Variants in CYP19A1 observed in about 807,000 individuals in gnomAD.
CYP19A1 encodes the protein cytochrome P450 family 19 subfamily A member 1.
Under a neutral mutation model 44.4 loss-of-function variants are expected in CYP19A1, and 32 were observed. The observed-to-expected ratio is 0.72, with a 90% CI of 0.54 to 0.97. CYP19A1 has a LOEUF of 0.97. CYP19A1 is among the 50% of genes least tolerant of loss of function. CYP19A1 has a pLI of 0.00. For missense variants in CYP19A1, 598 were observed against 637.8 expected (o/e 0.94, Z 0.67); for synonymous variants, 212 against 215.6 (o/e 0.98, Z 0.14).
At chr15:51,326,495 A>G (rs1413315721) in intron 1 of CYP19A1, among the ~76,000 whole-genome samples, 1 of 152,232 alleles carries the variant, frequency 6.6e-6, no homozygotes, top group Non-Finnish European at 1.5e-5. Context: ...AACTTTAAGC[A>G]TTATAGTAGT....
intron 1 of CYP19A1, among the ~76,000 whole-genome samples, chr15:51,336,234 A>T (rs1286627281): frequency 5.9e-5 from 9 of 152,158 alleles, no homozygotes; most frequent in Non-Finnish European, 1.2e-4. Flanking sequence ...TCCCCACTCC[A>T]GGCTTCAGGA....
At position 51,212,513 on chromosome 15, in the gene CYP19A1, T is replaced by C. The variant is rs2031119131; in HGVS notation, c.1070A>G (p.Glu357Gly). Residue 357 changes from glutamate (E) to glycine (G), a missense_variant, in exon 9 of 10, where the codon GAA (glutamate) becomes GGA (glycine). Transcript: ENST00000396402. ...IDDIQKLKVMENFIYESMRYQ... is the reference protein window; with the variant it reads ...IDDIQKLKVMGNFIYESMRYQ... ...CCGCATGCTCTCATAAATGAAGTTTTCCATCACTTTTAATTTTTGTATATC... is the reference window on the plus strand; with the variant it reads ...CCGCATGCTCTCATAAATGAAGTTTCCCATCACTTTTAATTTTTGTATATC... 2 of 1,552,806 alleles carry C rather than the reference T, an allele frequency of 1.3e-6. No individual in the cohort carries two copies. Among genetic ancestry groups the C allele is most frequent in the Admixed American group, 1.7e-5 (1 of 59,922 alleles).
At chr15:51,216,281 T>G (rs544945365) in intron 6 of CYP19A1, among the ~76,000 whole-genome samples, 1 of 152,242 alleles carries the variant, frequency 6.6e-6, no homozygotes, top group South Asian at 2.1e-4. Flanking sequence ...AGACAAAGTC[T>G]CAATCTGTCA....
chr15:51,268,749 GA>G (rs2035021206), intron 1 of CYP19A1, among the ~76,000 whole-genome samples: 1 of 152,084 alleles, frequency 6.6e-6, no homozygotes, highest in Non-Finnish European at 1.5e-5. Flanking sequence ...CTCAGTCTTT[GA>G]ATTTTAGCCA....
intron 1 of CYP19A1, among the ~76,000 whole-genome samples, chr15:51,272,925 GCTTCAT>G (rs2035180366): frequency 6.6e-6 from 1 of 152,104 alleles, no homozygotes; most frequent in African/African-American, 2.4e-5. Context: ...AGGACAACAG[GCTTCAT>G]AATGGGAGGG....
intron 1 of CYP19A1, among the ~76,000 whole-genome samples, chr15:51,260,712 G>A (rs951365032): frequency 1.3e-5 from 2 of 152,182 alleles, no homozygotes; most frequent in African/African-American, 4.8e-5. Flanking sequence ...CAATCAGGTA[G>A]TAAAGAGGGC....
intron 1 of CYP19A1, among the ~76,000 whole-genome samples, chr15:51,271,842 C>T (rs1404950222): frequency 2.6e-5 from 4 of 152,206 alleles, no homozygotes; most frequent in Non-Finnish European, 5.9e-5. Flanking sequence ...AAATCTTTTC[C>T]TCTGGCACTT....
intron 4 of CYP19A1, among the ~76,000 whole-genome samples, chr15:51,226,955 A>G (rs1022452751): frequency 1.3e-5 from 2 of 152,058 alleles, no homozygotes; most frequent in African/African-American, 4.8e-5. Flanking sequence ...AAAATTATCT[A>G]ATTTCATTCA....
chr15:51,330,349 AGAG>A (rs1249131270), intron 1 of CYP19A1, among the ~76,000 whole-genome samples: 1 of 152,180 alleles, frequency 6.6e-6, no homozygotes, highest in Non-Finnish European at 1.5e-5. Context: ...ACAGAAAGGA[AGAG>A]GAGGAGAGAA....
intron 1 of CYP19A1, among the ~76,000 whole-genome samples, chr15:51,275,684 A>AT (rs951167770): frequency 4.0e-5 from 6 of 151,460 alleles, no homozygotes; most frequent in East Asian, 3.9e-4. Flanking sequence ...GACTGCTCAC[A>AT]TTTTTTTTTC....
At chr15:51,257,038 A>G (rs1032559324) in intron 1 of CYP19A1, among the ~76,000 whole-genome samples, 1 of 152,182 alleles carries the variant, frequency 6.6e-6, no homozygotes, top group Non-Finnish European at 1.5e-5. Context: ...TGGATAATAA[A>G]TTGTATGGTC....
At chr15:51,321,400 C>T (rs1232331264) in intron 1 of CYP19A1, among the ~76,000 whole-genome samples, 1 of 152,158 alleles carries the variant, frequency 6.6e-6, no homozygotes, top group Non-Finnish European at 1.5e-5. Flanking sequence ...ATCCAATTTC[C>T]CTCATGATGC....
chr15:51,291,221 C>T (rs116966362), intron 1 of CYP19A1, among the ~76,000 whole-genome samples: 63 of 152,146 alleles, frequency 4.1e-4, no homozygotes, highest in Non-Finnish European at 7.2e-4. Context: ...GCAGTAGTGG[C>T]GGGCAGAGAG....
chr15:51,315,293 G>A (rs755896073), intron 1 of CYP19A1, among the ~76,000 whole-genome samples: 33 of 152,134 alleles, frequency 2.2e-4, no homozygotes, highest in East Asian at 5.8e-4. Context: ...GTACACTTCC[G>A]TCCCAACTGC....
rs575203653 is a variant in CYP19A1 at position 51,329,878 on chromosome 15, A to G, written c.-39+8617T>C. 1.5e-3 allele frequency among the ~76,000 whole-genome samples: 226 copies of G among 152,344 alleles called. 3 individuals are homozygous for G. The highest frequency in any genetic ancestry group is 5.1e-3 in the African/African-American group (213 of 41,580). ...GGAGACAGACAGGGAGCGACAGGCC[A>G]TTGTGAAATGACCAGATATACACCA... On this transcript the variant is annotated intron_variant, in intron 1 of 9. Coordinates refer to ENST00000396402, the MANE Select transcript of CYP19A1 (RefSeq NM_000103.4).
At chr15:51,259,601 G>A (rs979093657) in intron 1 of CYP19A1, among the ~76,000 whole-genome samples, 5 of 152,238 alleles carry the variant, frequency 3.3e-5, no homozygotes, top group African/African-American at 1.2e-4. Flanking sequence ...CAGGGCTGAA[G>A]AAACCAGGCA....
intron 1 of CYP19A1, among the ~76,000 whole-genome samples, chr15:51,271,236 CCT>C (rs1447552858): frequency 6.6e-6 from 1 of 152,012 alleles, no homozygotes; most frequent in Non-Finnish European, 1.5e-5. Context: ...CTGTTCTGTC[CCT>C]CTCTCATTCT....
At chr15:51,326,838 A>G (rs1431280255) in intron 1 of CYP19A1, among the ~76,000 whole-genome samples, 1 of 152,192 alleles carries the variant, frequency 6.6e-6, no homozygotes, top group Non-Finnish European at 1.5e-5. Flanking sequence ...TTCGTGGTGT[A>G]TCTACTATAA....
At chr15:51,292,421 C>T (rs999158296) in intron 1 of CYP19A1, among the ~76,000 whole-genome samples, 4 of 152,222 alleles carry the variant, frequency 2.6e-5, no homozygotes, top group African/African-American at 7.2e-5. Flanking sequence ...CTCCACTCCC[C>T]ACTGCAATGG....
Sources: allele counts gnomAD v4.1 joint callset (sites outside exome capture counted in the v4.1 genomes callset), GRCh38; gene constraint gnomAD v4.1.1; transcripts MANE v1.5; gene names NCBI Gene and HGNC (gene_info 2026-07-23, HGNC 2026-07-21).